ADGRV1: variants seen among roughly 807,000 people sequenced by gnomAD.
The protein encoded by ADGRV1 is G-protein coupled receptor 98.
A neutral mutation model predicts 596.2 loss-of-function variants in ADGRV1; 359 were observed. The observed-to-expected ratio is 0.60, with a 90% confidence interval of 0.55 to 0.66. The LOEUF (loss-of-function observed/expected upper bound fraction) is 0.66. Ranked by LOEUF, ADGRV1 falls within the 30% of genes least tolerant of loss-of-function variation. The pLI, the probability that ADGRV1 is intolerant of heterozygous loss-of-function variation, is 0.00. For missense variants in ADGRV1, 7,274 were observed against 7,575.6 expected (o/e 0.96, Z 1.48); for synonymous variants, 2,681 against 2,679.2 (o/e 1.00, Z -0.02).
chr5:90,674,637 A>T (rs2149547006), intron 23 of ADGRV1: 1 of 154,900 alleles, frequency 6.5e-6, no homozygotes. Context: ...TTTTTGTCTT[A>T]TGCTTAATAG....
chr5:90,777,997 A>G lies in ADGRV1; in HGVS notation c.12620A>G (p.Lys4207Arg), dbSNP rs1758425224. ...GGGGAATTTGCTGAAACATCAGGAA[A>G]ACTGACAATGCGAGACGAACAGTCT... ...SVGEFAETSGKLTMRDEQSAV... is the reference protein window; with the variant it reads ...SVGEFAETSGRLTMRDEQSAV... Residue 4207 changes from lysine (K) to arginine (R), a missense_variant, in exon 62 of 90, where the codon AAA becomes AGA. Coordinates refer to ENST00000405460, the MANE Select transcript of ADGRV1 (RefSeq NM_032119.4). 6.2e-7 allele frequency: 1 copy of G among 1,601,954 alleles called. No individual in the cohort carries two copies. Among genetic ancestry groups the G allele is most frequent in the Non-Finnish European group, 8.5e-7 (1 of 1,173,464 alleles).
At chr5:91,100,012 T>A (rs1295515656) in intron 86 of ADGRV1, among the ~76,000 whole-genome samples, 1 of 152,140 alleles carries the variant, frequency 6.6e-6, no homozygotes, top group Non-Finnish European at 1.5e-5. Flanking sequence ...CAGAGAATAT[T>A]TGAAACATCT....
At chr5:91,106,642 T>G (rs1025099706) in intron 87 of ADGRV1, among the ~76,000 whole-genome samples, 15 of 152,146 alleles carry the variant, frequency 9.9e-5, no homozygotes, top group African/African-American at 3.6e-4. Flanking sequence ...GTTAACCAAT[T>G]AAATATAGGA....
chr5:90,801,328 C>T (rs957253942), intron 70 of ADGRV1, among the ~76,000 whole-genome samples: 57 of 152,080 alleles, frequency 3.7e-4, no homozygotes, highest in African/African-American at 1.2e-3. Flanking sequence ...TCTGTGTGTA[C>T]CGGATGGGCC....
rs184713818 is a variant in ADGRV1 at position 90,811,424 on chromosome 5, A to G, written c.16078+86A>G. 1,473 of 1,243,710 alleles carry G rather than the reference A, an allele frequency of 1.2e-3. 3 individuals carry two copies. Among genetic ancestry groups the G allele is most frequent in the Non-Finnish European group, 1.5e-3 (1,331 of 915,904 alleles). The allele number at this position is 1,243,710 out of a possible 1,614,324, so 77.0% of individuals were successfully genotyped here. On this transcript the variant is annotated intron_variant, in intron 74 of 89. Transcript: ENST00000405460. ...GTGAATCTAGCTTAAATTTAATGGAAGAAGGTGAAGTTCTTAAGTTATTCA... is the reference window on the plus strand; with the variant it reads ...GTGAATCTAGCTTAAATTTAATGGAGGAAGGTGAAGTTCTTAAGTTATTCA...
rs969232037 is a variant in ADGRV1 at position 90,644,831 on chromosome 5, T to C, written c.2860T>C (p.Phe954Leu). Residue 954 changes from phenylalanine to leucine, a missense_variant, in exon 15 of 90, where the codon TTT becomes CTT. By Grantham distance (22) the Phe-to-Leu change is conservative. Transcript: ENST00000405460. ...QGTVVFGDQE[F>L]SKNITIYSLP... ...GACTGTTGTCTTTGGAGATCAGGAA[T>C]TTTCAAAAAATATCACCATTTACTC... 3.7e-6 allele frequency: 6 copies of C among 1,606,956 alleles called. No individual in the cohort carries two copies. The highest frequency in any genetic ancestry group is 5.1e-6 in the Non-Finnish European group (6 of 1,177,616).
intron 7 of ADGRV1, 116 bp from the exon 8 acceptor site, chr5:90,628,446 G>T: frequency 2.4e-6 from 2 of 816,896 alleles, no homozygotes; most frequent in Admixed American, 2.3e-5. Flanking sequence ...TTATTTTTTT[G>T]TTGTATAGAT....
rs55743704 is a variant in ADGRV1 at position 90,872,423 on chromosome 5, T to TTG, written c.17856+8608_17856+8609dup. On this transcript the variant is annotated intron_variant, in intron 83 of 89. Transcript: ENST00000405460. ...AGAAAATTATACATATGGTATGAGCTTGTGTGTGTGTGTGTGTGTGTGTGT... is the reference window on the plus strand; with the variant it reads ...AGAAAATTATACATATGGTATGAGCTTGTGTGTGTGTGTGTGTGTGTGTGTGT... Among the ~76,000 whole-genome samples the TTG allele has an allele frequency of 7.8e-3, 1,145 of 147,404 alleles. 20 individuals carry two copies. The highest frequency in any genetic ancestry group is 0.027 in the African/African-American group (1,059 of 39,622).
chr5:91,116,351 C>A (rs915167195), intron 87 of ADGRV1, among the ~76,000 whole-genome samples: 4 of 152,158 alleles, frequency 2.6e-5, no homozygotes, highest in African/African-American at 9.7e-5. Flanking sequence ...TATGTAATTT[C>A]TCTGAAATGA....
intron 21 of ADGRV1, among the ~76,000 whole-genome samples, chr5:90,661,897 C>T (rs1318844150): frequency 1.3e-5 from 2 of 152,160 alleles, no homozygotes; most frequent in Non-Finnish European, 2.9e-5. Context: ...TTAATAATTA[C>T]ATACCGGAGT....
chr5:90,781,800 C>G (rs1758887473), intron 65 of ADGRV1, among the ~76,000 whole-genome samples: 2 of 152,058 alleles, frequency 1.3e-5, no homozygotes, highest in Admixed American at 1.3e-4. Context: ...ACAAGCCTGT[C>G]TAGAAAAACT....
At chr5:91,094,380 AC>A in intron 86 of ADGRV1, among the ~76,000 whole-genome samples, 1 of 151,352 alleles carries the variant, frequency 6.6e-6, no homozygotes, top group Admixed American at 6.6e-5. Flanking sequence ...AATTGCTTGA[AC>A]CCAGGAGGCA....
At chr5:90,913,208 A>G (rs1392314286) in intron 83 of ADGRV1, among the ~76,000 whole-genome samples, 1 of 152,186 alleles carries the variant, frequency 6.6e-6, no homozygotes, top group African/African-American at 2.4e-5. Flanking sequence ...TACTGAGGGC[A>G]GGGTGGAATC....
At chr5:91,043,294 A>G (rs114718278) in intron 85 of ADGRV1, among the ~76,000 whole-genome samples, 1,701 of 152,310 alleles carry the variant, frequency 0.011, 28 homozygotes, top group African/African-American at 0.039. Context: ...TACTATATCA[A>G]TACTTAATGC....
intron 83 of ADGRV1, among the ~76,000 whole-genome samples, chr5:90,928,764 T>C (rs1316542297): frequency 6.6e-6 from 1 of 151,808 alleles, no homozygotes; most frequent in Non-Finnish European, 1.5e-5. Flanking sequence ...TTTGTGTTTT[T>C]ATCTACTTTT....
rs549290828 is a variant in ADGRV1 at position 91,105,728 on chromosome 5, T to C, written c.18432+3388T>C. 2.6e-5 allele frequency among the ~76,000 whole-genome samples: 4 copies of C among 152,330 alleles called. 1 individual carries two copies. The South Asian group carries it at 8.3e-4, about 32-fold the overall frequency. On this transcript the variant is annotated intron_variant, in intron 87 of 89. Transcript: ENST00000405460. ...GCATATTAATTATCTGTCAGATGAA[T>C]AGTTTACAGATATTTTCTCTCATCT...
chr5:91,077,522 G>C (rs1378165646), intron 86 of ADGRV1, among the ~76,000 whole-genome samples: 1 of 152,148 alleles, frequency 6.6e-6, no homozygotes, highest in Admixed American at 6.5e-5. Flanking sequence ...CCAAAGGAAT[G>C]GGGAGAACAA....
In ADGRV1 at chr5:90,692,706, A is replaced by G; in HGVS notation, c.7053A>G (p.Thr2351=). Reference sequence around the variant, plus strand: ...CTGCCAATGATGATCCTTATGGTACAGTAGCCTTTGCTCAGATGGTTTATC... The same window carrying G: ...CTGCCAATGATGATCCTTATGGTACGGTAGCCTTTGCTCAGATGGTTTATC... The part of the protein sequence containing the change: ...IIPANDDPYG[T]VAFAQMVYRV... Residue 2351 remains threonine (T), a synonymous_variant, in exon 32 of 90, where the codon ACA becomes ACG. Transcript: ENST00000405460. 3 of 1,610,708 alleles carry G rather than the reference A, an allele frequency of 1.9e-6. No homozygotes were observed. Among genetic ancestry groups the G allele is most frequent in the Non-Finnish European group, 1.7e-6 (2 of 1,178,484 alleles).
intron 16 of ADGRV1, among the ~76,000 whole-genome samples, chr5:90,646,775 C>CTTTT (rs550562464): frequency 2.1e-5 from 2 of 96,530 alleles, no homozygotes; most frequent in African/African-American, 4.0e-5. Context: ...CTTTCTTCTT[C>CTTTT]TTTTTTTTTT....
Sources: allele counts gnomAD v4.1 joint callset (sites outside exome capture counted in the v4.1 genomes callset), GRCh38; gene constraint gnomAD v4.1.1; transcripts MANE v1.5; gene names NCBI Gene and HGNC (gene_info 2026-07-23, HGNC 2026-07-21).